The following ADORA2B variants were observed in gnomAD, a reference collection of about 807,000 sequenced individuals.
ADORA2B encodes the protein adenosine receptor A2b.
A neutral mutation model predicts 20.8 loss-of-function variants in ADORA2B; 18 were observed. That is an observed-to-expected ratio of 0.87 (90% CI 0.60 to 1.29). The LOEUF (loss-of-function observed/expected upper bound fraction) is 1.29, where lower values mean the gene tolerates loss of function less well. ADORA2B is among the 50% of genes most tolerant of loss of function. The pLI, the probability that ADORA2B is intolerant of heterozygous loss-of-function variation, is 0.00. For missense variants in ADORA2B, 441 were observed against 422.7 expected (o/e 1.04, Z -0.38); for synonymous variants, 179 against 178.3 (o/e 1.00, Z -0.03).
chr17:15,867,405 T>C, the ADORA2B span, among the ~76,000 whole-genome samples: 1 of 150,644 alleles, frequency 6.6e-6, no homozygotes, highest in African/African-American at 2.5e-5. Flanking sequence ...CCGCCCCATC[T>C]GGGATGTGAG....
intron 1 of ADORA2B, among the ~76,000 whole-genome samples, chr17:15,946,654 C>T (rs183469070): frequency 2.6e-5 from 4 of 152,290 alleles, no homozygotes; most frequent in Admixed American, 1.3e-4. Context: ...GCAGTCCTTG[C>T]AGTAGTACCA....
At chr17:15,909,200 A>AACAGC in the ADORA2B span, among the ~76,000 whole-genome samples, 1 of 152,062 alleles carries the variant, frequency 6.6e-6, no homozygotes, top group African/African-American at 2.4e-5. Context: ...TCTCTAAAAA[A>AACAGC]AACAGCAACA....
chr17:15,860,818 C>T, the ADORA2B span: 1 of 177,320 alleles, frequency 5.6e-6, no homozygotes, highest in Non-Finnish European at 1.2e-5. Flanking sequence ...GTGGTCGTTC[C>T]CACCGATCTT....
the ADORA2B span, among the ~76,000 whole-genome samples, chr17:15,929,045 A>G: frequency 6.6e-6 from 1 of 152,244 alleles, no homozygotes; most frequent in East Asian, 1.9e-4. Context: ...ACAAAAACAG[A>G]CACCCCTTGA....
At chr17:15,882,200 G>A in the ADORA2B span, among the ~76,000 whole-genome samples, 2 of 152,180 alleles carry the variant, frequency 1.3e-5, no homozygotes, top group African/African-American at 2.4e-5. Flanking sequence ...GGATAAGAGC[G>A]GAGGCTCCAG....
At chr17:15,924,132 C>T in the ADORA2B span, among the ~76,000 whole-genome samples, 1 of 152,204 alleles carries the variant, frequency 6.6e-6, no homozygotes, top group South Asian at 2.1e-4. Flanking sequence ...AGGCTGGTCT[C>T]GATCTCCTGA....
intron 1 of ADORA2B, among the ~76,000 whole-genome samples, chr17:15,947,512 TGCCAAGG>T (rs1226905238): frequency 1.3e-5 from 2 of 152,232 alleles, no homozygotes; most frequent in African/African-American, 4.8e-5. Context: ...TTCTTTGCAT[TGCCAAGG>T]GCAGGAGGGA....
At chr17:15,916,888 C>G in the ADORA2B span, among the ~76,000 whole-genome samples, 1 of 152,224 alleles carries the variant, frequency 6.6e-6, no homozygotes, top group Non-Finnish European at 1.5e-5. Flanking sequence ...TTGCCTAAAG[C>G]AGCTCAGCTT....
chr17:15,860,634 A>G, the ADORA2B span, among the ~76,000 whole-genome samples: 1 of 152,200 alleles, frequency 6.6e-6, no homozygotes, highest in African/African-American at 2.4e-5. Flanking sequence ...ATTTGCATAT[A>G]GATCCTATAA....
At chr17:15,960,280 C>T (rs1332165019) in intron 1 of ADORA2B, among the ~76,000 whole-genome samples, 2 of 124,406 alleles carry the variant, frequency 1.6e-5, no homozygotes, top group African/African-American at 5.9e-5. Context: ...TTGGGCCGGG[C>T]GCGGTGGCTC....
the ADORA2B span, among the ~76,000 whole-genome samples, chr17:15,886,813 G>A: frequency 7.7e-6 from 1 of 130,258 alleles, no homozygotes; most frequent in East Asian, 2.1e-4. Context: ...TGAGAGCACA[G>A]AGAAGACCTG....
chr17:15,874,822 TTG>T, the ADORA2B span, among the ~76,000 whole-genome samples: 1 of 151,674 alleles, frequency 6.6e-6, no homozygotes, highest in African/African-American at 2.4e-5. Context: ...TTGCAAAAGG[TTG>T]TGTTATACTT....
chr17:15,877,297 A>G, the ADORA2B span, among the ~76,000 whole-genome samples: 4 of 152,074 alleles, frequency 2.6e-5, no homozygotes, highest in East Asian at 1.9e-4. Context: ...TTCCACTGGT[A>G]TCTTTAGTTC....
At position 15,963,037 on chromosome 17, in the gene ADORA2B, G is replaced by T. The variant is rs1029700728; in HGVS notation, c.336-11642G>T. Among the ~76,000 whole-genome samples the T allele has an allele frequency of 2.6e-5, 4 of 152,130 alleles. No homozygotes were observed. In the East Asian group the frequency reaches 7.7e-4, roughly 29 times the overall value. The stretch of plus-strand genomic sequence containing the variant: ...ATTATATATAAAAACCAAGATTTGG[G>T]TAGATTTGCTCAGTGCTACTGGAGT... On this transcript the variant is annotated intron_variant, in intron 1 of 1. Transcript: ENST00000304222.
At chr17:15,909,210 A>G in the ADORA2B span, among the ~76,000 whole-genome samples, 1 of 151,996 alleles carries the variant, frequency 6.6e-6, no homozygotes, top group African/African-American at 2.4e-5. Flanking sequence ...AAACAGCAAC[A>G]ACAACAACAA....
Position 15,975,236 on chromosome 17 carries a change from G to T in ADORA2B, c.893G>T (p.Arg298Leu), listed in dbSNP as rs371657178. 6 of 1,613,660 alleles carry T rather than the reference G, an allele frequency of 3.7e-6. No homozygotes were observed. The highest frequency in any genetic ancestry group is 5.1e-6 in the Non-Finnish European group (6 of 1,180,018). ...TATGCTTACCGGAACCGAGACTTCC[G>T]CTACACTTTTCACAAAATTATCTCC... The part of the protein sequence containing the change: ...IVYAYRNRDF[R>L]YTFHKIISRY... Residue 298 changes from arginine to leucine, a missense_variant, in exon 2 of 2, where the codon CGC becomes CTC. Coordinates refer to ENST00000304222, the MANE Select transcript of ADORA2B (RefSeq NM_000676.4).
the ADORA2B span, among the ~76,000 whole-genome samples, chr17:15,854,016 C>T: frequency 6.6e-6 from 1 of 152,164 alleles, no homozygotes; most frequent in East Asian, 1.9e-4. Flanking sequence ...AGTGCAATGG[C>T]ACGATCCTGG....
At chr17:15,925,813 C>A in the ADORA2B span, among the ~76,000 whole-genome samples, 6,997 of 151,930 alleles carry the variant, frequency 0.046, 389 homozygotes, top group African/African-American at 0.13. Context: ...ACTAAAAAAA[C>A]CAAAAAAATT....
At chr17:15,949,700 G>A (rs895491411) in intron 1 of ADORA2B, among the ~76,000 whole-genome samples, 10 of 151,638 alleles carry the variant, frequency 6.6e-5, no homozygotes, top group African/African-American at 1.9e-4. Flanking sequence ...ATGAAACCCC[G>A]TCTCTACTAA....
Sources: gnomAD v4.1 joint callset for allele counts (sites outside exome capture counted in the v4.1 genomes callset) on GRCh38, gnomAD v4.1.1 for gene constraint, MANE v1.5 for transcripts, NCBI Gene and HGNC (gene_info 2026-07-23, HGNC 2026-07-21) for gene names.